Variants in TBCD observed in about 807,000 individuals in gnomAD.
The protein encoded by TBCD is tubulin folding cofactor D, also known as tubulin-specific chaperone D.
TBCD carries 105 observed loss-of-function variants against 169.3 expected under a neutral mutation model. The observed-to-expected ratio is 0.62, with a 90% CI of 0.53 to 0.73. TBCD has a LOEUF of 0.73. Among genes scored for constraint, TBCD ranks in the 30% least tolerant of loss-of-function variants. The pLI, the probability that TBCD is intolerant of heterozygous loss-of-function variation, is 0.00. For synonymous variants in TBCD, 700 were observed against 643.9 expected (o/e 1.09, Z -1.32); for missense variants, 1,444 against 1,600.1 (o/e 0.90, Z 1.66).
chr17:82,909,399 C>G, intron 22 of TBCD, 92 bp downstream of exon 22: 6 of 1,101,800 alleles, frequency 5.4e-6, no homozygotes, highest in South Asian at 1.5e-5. Flanking sequence ...TCGCTTCCCT[C>G]TCTGCCTATG....
intron 13 of TBCD, among the ~76,000 whole-genome samples, chr17:82,826,136 T>A (rs2052824524): frequency 6.6e-6 from 1 of 152,180 alleles, no homozygotes; most frequent in Admixed American, 6.5e-5. Context: ...CGAAAGAAAA[T>A]AACATAAACA....
intron 13 of TBCD, among the ~76,000 whole-genome samples, chr17:82,834,168 G>C (rs578230133): frequency 2.0e-5 from 3 of 152,146 alleles, no homozygotes; most frequent in South Asian, 4.1e-4. Context: ...GGCTGGTCTC[G>C]AGCTCCTGAC....
intron 13 of TBCD, chr17:82,838,551 T>G: frequency 3.1e-6 from 2 of 649,088 alleles, no homozygotes; most frequent in Non-Finnish European, 3.8e-6. Flanking sequence ...AATATTGTGA[T>G]GTGGCGTTGT....
At chr17:82,905,497 TCGCC>T (rs1467246626) in intron 19 of TBCD, among the ~76,000 whole-genome samples, 24 of 144,996 alleles carry the variant, frequency 1.7e-4, no homozygotes, top group African/African-American at 5.7e-4. Flanking sequence ...GTGCACGCCG[TCGCC>T]TGCCCTCCCG....
intron 15 of TBCD, among the ~76,000 whole-genome samples, chr17:82,887,079 C>T (rs1405633694): frequency 1.3e-5 from 2 of 151,650 alleles, no homozygotes; most frequent in Admixed American, 6.6e-5. Flanking sequence ...CAGCCTAGAA[C>T]ATTGAGCCAA....
intron 2 of TBCD, among the ~76,000 whole-genome samples, chr17:82,760,661 A>G (rs1477445303): frequency 2.0e-5 from 3 of 152,244 alleles, no homozygotes; most frequent in Non-Finnish European, 4.4e-5. Flanking sequence ...CATACTATAG[A>G]GTTCACTCTT....
In TBCD at chr17:82,864,158, T is replaced by C. The variant is rs1032201900; in HGVS notation, c.1319-6066T>C. ...CCATCTGTGTTGTGGCCTGGGACTT[T>C]CTTAGAGAGTGGGTAAAAGATGAGT... On this transcript the variant is annotated intron_variant, in intron 13 of 38. Transcript: ENST00000355528. This position sits in a 1 kb window ranked among gnomAD's most constrained non-coding sequence, Gnocchi z 6.3. 6.6e-6 allele frequency: 1 copy of C among 152,278 alleles called. No homozygotes were observed. Among genetic ancestry groups the C allele is most frequent in the Non-Finnish European group, 1.5e-5 (1 of 68,054 alleles). 9.4% of individuals were successfully genotyped at this position (152,278 alleles called of 1,614,324 possible). A position where few individuals can be genotyped will look rare whatever the true frequency, so the allele number is the denominator to read the frequency against.
chr17:82,940,978 A>ATTTTTTT (rs1412969275), intron 37 of TBCD, among the ~76,000 whole-genome samples: 2 of 152,030 alleles, frequency 1.3e-5, no homozygotes, highest in African/African-American at 4.8e-5. Context: ...AATCCTTAGA[A>ATTTTTTT]TTTAAAGAGA....
At chr17:82,819,106 C>T (rs984379559) in intron 13 of TBCD, among the ~76,000 whole-genome samples, 5 of 152,106 alleles carry the variant, frequency 3.3e-5, no homozygotes, top group South Asian at 2.1e-4. Flanking sequence ...AAATAAATGT[C>T]GTAGAAAGAC....
intron 14 of TBCD, 28 bp downstream of exon 14, chr17:82,870,408 A>ATGCGCCG: frequency 1.9e-6 from 3 of 1,605,174 alleles, no homozygotes; most frequent in Non-Finnish European, 1.7e-6. Context: ...GGTACATCGG[A>ATGCGCCG]TGCGCCGTGC....
chr17:82,929,758 T>C, intron 32 of TBCD: 1 of 600,862 alleles, frequency 1.7e-6, no homozygotes, highest in Non-Finnish European at 3.0e-6. Flanking sequence ...GCCTTGGAGC[T>C]CCCAGCGTCC....
At chr17:82,936,739 C>T (rs1257086743) in intron 34 of TBCD, among the ~76,000 whole-genome samples, 1 of 152,210 alleles carries the variant, frequency 6.6e-6, no homozygotes, top group Non-Finnish European at 1.5e-5. Flanking sequence ...CTTCTCCTCC[C>T]TGGAGTGGCC....
At chr17:82,761,963 G>T (rs941390693) in intron 2 of TBCD, among the ~76,000 whole-genome samples, 3 of 150,698 alleles carry the variant, frequency 2.0e-5, no homozygotes, top group Non-Finnish European at 4.4e-5. Context: ...TCCTGACCTC[G>T]TGATCCGCCC....
intron 16 of TBCD, chr17:82,893,250 C>T (rs573250394): frequency 3.0e-4 from 126 of 418,548 alleles, no homozygotes; most frequent in Non-Finnish European, 4.8e-4. Flanking sequence ...TGTATGTTTT[C>T]GGGAAAGGTC....
intron 13 of TBCD, among the ~76,000 whole-genome samples, chr17:82,818,691 C>G (rs1258873431): frequency 6.6e-6 from 1 of 152,274 alleles, no homozygotes; most frequent in Non-Finnish European, 1.5e-5. Flanking sequence ...CTTCGGCCTC[C>G]TCCATGTCAC....
rs189923496 is a variant in TBCD, at chr17:82,929,345, C to T, written c.2853-17C>T. On this transcript the variant is annotated splice_polypyrimidine_tract_variant and intron_variant, in intron 31 of 38. Coordinates refer to ENST00000355528, the MANE Select transcript of TBCD (RefSeq NM_005993.5). ...GATCATTGGCAGCCCGGCCTTGTCT[C>T]ACTCACTCTCTTGCAGGTCCGATGT... 6.2e-7 allele frequency: 1 copy of T among 1,611,036 alleles called. No homozygotes were observed. The highest frequency in any genetic ancestry group is 8.5e-7 in the Non-Finnish European group (1 of 1,177,814).
chr17:82,802,948 A>G (rs186270758), intron 9 of TBCD, among the ~76,000 whole-genome samples: 89 of 152,376 alleles, frequency 5.8e-4, no homozygotes, highest in African/African-American at 1.9e-3. Flanking sequence ...GTGTTGCCAC[A>G]TACACTTCAC....
At chr17:82,803,507 T>A (rs2050725803) in intron 9 of TBCD, among the ~76,000 whole-genome samples, 1 of 152,188 alleles carries the variant, frequency 6.6e-6, no homozygotes, top group South Asian at 2.1e-4. Context: ...TCTCAGCAGC[T>A]CTCTTCTCCC....
chr17:82,797,772 C>CATGGAA lies in TBCD; in HGVS notation c.789_794dup (p.Gly264_Lys265insAsnGly), dbSNP rs2050205018. 7.1e-7 allele frequency: 1 copy of CATGGAA among 1,410,318 alleles called. No homozygotes were observed. The allele number at this position is 1,410,318 out of a possible 1,614,324, so 87.4% of individuals were successfully genotyped here. On this transcript the variant is annotated inframe_insertion, in exon 8 of 39. Coordinates refer to ENST00000355528, the MANE Select transcript of TBCD (RefSeq NM_005993.5). ...TTTTTTTTAGGCACAAATATTTAAACATGGAAAACGTGAAGACTGTTTGCC... is the reference window on the plus strand; with the variant it reads ...TTTTTTTTAGGCACAAATATTTAAACATGGAAATGGAAAACGTGAAGACTGTTTGCC...
Sources: allele counts gnomAD v4.1 joint callset (sites outside exome capture counted in the v4.1 genomes callset), GRCh38; gene constraint gnomAD v4.1.1; non-coding constraint Gnocchi (gnomAD v3.1); transcripts MANE v1.5; gene names NCBI Gene and HGNC (gene_info 2026-07-23, HGNC 2026-07-21).